The following NRXN3 variants were observed in gnomAD, a reference collection of about 807,000 sequenced individuals.
NRXN3 encodes the protein neurexin III.
In NRXN3, 32 loss-of-function variants were observed where a neutral mutation model predicts 137.6. That is an observed-to-expected ratio of 0.23 (90% confidence interval 0.18 to 0.31). The LOEUF is 0.31. NRXN3 is among the 10% of genes least tolerant of loss of function. The probability of loss-of-function intolerance (pLI) is 1.00; values close to 1 mark genes in which losing one functional copy is unlikely to be tolerated. For synonymous variants in NRXN3, 798 were observed against 784.5 expected, an observed-to-expected ratio of 1.02 and a Z score of -0.29; for missense variants, 1,574 against 2,062.5, an observed-to-expected ratio of 0.76 and a Z score of 4.59.
intron 8 of NRXN3, among the ~76,000 whole-genome samples, chr14:78,778,069 G>C (rs1025570924): frequency 1.3e-5 from 2 of 152,186 alleles, no homozygotes; most frequent in African/African-American, 4.8e-5. Flanking sequence ...AGCTGAGGTT[G>C]AAGGGATTCT....
chr14:78,889,618 A>C (rs2099153358), intron 10 of NRXN3, among the ~76,000 whole-genome samples: 1 of 152,044 alleles, frequency 6.6e-6, no homozygotes, highest in South Asian at 2.1e-4. Flanking sequence ...TTTAAAGAGT[A>C]CCTGATAAGA....
At chr14:79,281,398 T>C (rs935962169) in intron 15 of NRXN3, among the ~76,000 whole-genome samples, 6 of 152,162 alleles carry the variant, frequency 3.9e-5, no homozygotes, top group Non-Finnish European at 7.3e-5. Context: ...CTGAAAATGA[T>C]ACTCAGCTGT....
intron 7 of NRXN3, among the ~76,000 whole-genome samples, chr14:78,714,216 T>C (rs913845087): frequency 6.6e-6 from 1 of 152,156 alleles, no homozygotes; most frequent in Non-Finnish European, 1.5e-5. Context: ...GTTCCATCTT[T>C]TGGGGGTTGG....
At chr14:78,213,129 T>C (rs965479331) in intron 1 of NRXN3, among the ~76,000 whole-genome samples, 1 of 152,122 alleles carries the variant, frequency 6.6e-6, no homozygotes, top group Non-Finnish European at 1.5e-5. Flanking sequence ...TAGTTCTTGA[T>C]AGTTTAGGAT....
intron 15 of NRXN3, among the ~76,000 whole-genome samples, chr14:79,006,011 G>A (rs566596905): frequency 1.3e-5 from 2 of 151,920 alleles, no homozygotes; most frequent in South Asian, 2.1e-4. Flanking sequence ...TTATATTCCC[G>A]GTCTCTGTAT....
chr14:78,196,672 C>T (rs1446049535), intron 1 of NRXN3, among the ~76,000 whole-genome samples: 1 of 152,162 alleles, frequency 6.6e-6, no homozygotes, highest in Admixed American at 6.5e-5. Context: ...AGAGGGCAGA[C>T]AAGGTCCTGT....
intron 20 of NRXN3, among the ~76,000 whole-genome samples, chr14:79,808,255 A>AAAAAAAAAAATAT (rs1555750671): frequency 8.1e-6 from 1 of 123,984 alleles, no homozygotes; most frequent in African/African-American, 3.3e-5. Context: ...AAAAAAAAAA[A>AAAAAAAAAAATAT]ATATATATAT....
intron 15 of NRXN3, among the ~76,000 whole-genome samples, chr14:79,067,008 A>G (rs745412064): frequency 2.6e-5 from 4 of 152,054 alleles, no homozygotes; most frequent in Admixed American, 2.0e-4. Context: ...ACTATGTTGA[A>G]TAAGAGTGGT....
chr14:78,735,039 T>G (rs1232971679), intron 8 of NRXN3, among the ~76,000 whole-genome samples: 1 of 152,174 alleles, frequency 6.6e-6, no homozygotes, highest in Non-Finnish European at 1.5e-5. Context: ...AGAATAGATG[T>G]TAAAATACTA....
chr14:79,030,236 G>GC (rs573332345), intron 15 of NRXN3, among the ~76,000 whole-genome samples: 142 of 151,560 alleles, frequency 9.4e-4, no homozygotes, highest in African/African-American at 3.1e-3. Context: ...GCCAGTAGTA[G>GC]CCCCCCCAAC....
chr14:78,620,023 G>A (rs1052323904), intron 4 of NRXN3, among the ~76,000 whole-genome samples: 1 of 152,088 alleles, frequency 6.6e-6, no homozygotes, highest in Non-Finnish European at 1.5e-5. Context: ...ATAAATGTTG[G>A]CTGCTTAAGT....
At chr14:78,637,708 T>G (rs148407357) in intron 4 of NRXN3, among the ~76,000 whole-genome samples, 1 of 152,374 alleles carries the variant, frequency 6.6e-6, no homozygotes, top group African/African-American at 2.4e-5. Flanking sequence ...GTTCATAATG[T>G]AAGTCCACTG....
At chr14:79,098,922 G>A (rs1277272492) in intron 15 of NRXN3, among the ~76,000 whole-genome samples, 1 of 152,162 alleles carries the variant, frequency 6.6e-6, no homozygotes, top group East Asian at 1.9e-4. Flanking sequence ...CTCCAGTAGA[G>A]TTCTCCTTAG....
intron 15 of NRXN3, among the ~76,000 whole-genome samples, chr14:79,168,643 G>A (rs941903935): frequency 6.6e-6 from 1 of 151,824 alleles, no homozygotes; most frequent in Admixed American, 6.6e-5. Flanking sequence ...TACCTAGGCT[G>A]GTTTCCTCCC....
At chr14:78,850,252 T>A (rs543240172) in intron 10 of NRXN3, among the ~76,000 whole-genome samples, 1 of 152,186 alleles carries the variant, frequency 6.6e-6, no homozygotes, top group South Asian at 2.1e-4. Context: ...ATTTTACAGA[T>A]GCGAGAACAA....
intron 4 of NRXN3, among the ~76,000 whole-genome samples, chr14:78,446,316 T>TA (rs763353962): frequency 3.3e-5 from 5 of 152,034 alleles, no homozygotes; most frequent in Admixed American, 6.5e-5. Context: ...GGAAGGATGA[T>TA]AAAAAAGACC....
intron 16 of NRXN3, among the ~76,000 whole-genome samples, chr14:79,626,814 A>G (rs2098286752): frequency 6.6e-6 from 1 of 152,210 alleles, no homozygotes; most frequent in African/African-American, 2.4e-5. Context: ...TATCCAATAC[A>G]GTATTATTTC....
At chr14:79,191,956 A>G (rs769194951) in intron 15 of NRXN3, among the ~76,000 whole-genome samples, 3 of 152,044 alleles carry the variant, frequency 2.0e-5, no homozygotes, top group Non-Finnish European at 2.9e-5. Context: ...GAACCCAGAA[A>G]CGACAGTGCT....
At chr14:79,127,651 C>A (rs553549929) in intron 15 of NRXN3, among the ~76,000 whole-genome samples, 6 of 151,914 alleles carry the variant, frequency 3.9e-5, no homozygotes, top group Non-Finnish European at 7.4e-5. Flanking sequence ...ATTGACTTGG[C>A]GATGCAGGCT....
Sources: allele counts gnomAD v4.1 joint callset (sites outside exome capture counted in the v4.1 genomes callset), GRCh38; gene constraint gnomAD v4.1.1; transcripts MANE v1.5; gene names NCBI Gene and HGNC (gene_info 2026-07-23, HGNC 2026-07-21).